The following MCTP1 variants were observed in gnomAD, a reference collection of about 807,000 sequenced individuals.
MCTP1 encodes multiple C2 and transmembrane domain-containing protein 1.
MCTP1 carries 69 observed loss-of-function variants against 120.6 expected under a neutral mutation model. That is an observed-to-expected ratio of 0.57 (90% CI 0.47 to 0.70). The LOEUF (loss-of-function observed/expected upper bound fraction) is 0.70, where lower values mean the gene tolerates loss of function less well. Among genes scored for constraint, MCTP1 ranks in the 30% least tolerant of loss-of-function variants. The pLI is 0.00. For synonymous variants in MCTP1, 529 were observed against 493.1 expected (o/e 1.07, Z -0.96); for missense variants, 1,203 against 1,248.8 (o/e 0.96, Z 0.55).
At chr5:94,951,840 T>C (rs374361065) in intron 3 of MCTP1, among the ~76,000 whole-genome samples, 1 of 152,174 alleles carries the variant, frequency 6.6e-6, no homozygotes, top group Non-Finnish European at 1.5e-5. Flanking sequence ...TTAACGTTAT[T>C]GTGCCATCCC....
At chr5:94,765,749 A>C (rs538188840) in intron 19 of MCTP1, among the ~76,000 whole-genome samples, 3 of 151,916 alleles carry the variant, frequency 2.0e-5, no homozygotes, top group Non-Finnish European at 4.4e-5. Flanking sequence ...AGAGACTAAA[A>C]AATTACAAAG....
chr5:95,212,318 A>T (rs982695511), intron 1 of MCTP1, among the ~76,000 whole-genome samples: 44 of 152,234 alleles, frequency 2.9e-4, no homozygotes, highest in African/African-American at 9.4e-4. Context: ...ACCAGGAGGA[A>T]ATTGAATCTC....
At chr5:95,274,963 A>G (rs1177579501) in intron 1 of MCTP1, among the ~76,000 whole-genome samples, 1 of 152,022 alleles carries the variant, frequency 6.6e-6, no homozygotes, top group Non-Finnish European at 1.5e-5. Flanking sequence ...CACAATTTCC[A>G]CATACCCCCG....
At chr5:95,011,655 TC>T (rs1479042860) in intron 2 of MCTP1, among the ~76,000 whole-genome samples, 2 of 152,122 alleles carry the variant, frequency 1.3e-5, no homozygotes, top group Non-Finnish European at 2.9e-5. Context: ...GATGCTTGAT[TC>T]CCCTTCTGCC....
intron 1 of MCTP1, among the ~76,000 whole-genome samples, chr5:95,271,034 A>G (rs1759348067): frequency 6.6e-6 from 1 of 152,152 alleles, no homozygotes. Flanking sequence ...ATTTTCATGT[A>G]CACGTATGCA....
At chr5:95,079,538 T>G (rs1754403391) in intron 1 of MCTP1, among the ~76,000 whole-genome samples, 1 of 152,150 alleles carries the variant, frequency 6.6e-6, no homozygotes, top group Non-Finnish European at 1.5e-5. Context: ...CTGTTTACCT[T>G]CATCTCTTAA....
chr5:95,054,017 T>C (rs1746697816), intron 1 of MCTP1, among the ~76,000 whole-genome samples: 2 of 152,216 alleles, frequency 1.3e-5, no homozygotes, highest in Non-Finnish European at 2.9e-5. Flanking sequence ...CACACTGAGC[T>C]GCTCAGTGAA....
chr5:95,057,204 A>G (rs1376806182), intron 1 of MCTP1, among the ~76,000 whole-genome samples: 1 of 152,180 alleles, frequency 6.6e-6, no homozygotes, highest in Non-Finnish European at 1.5e-5. Flanking sequence ...TACTTTAAAA[A>G]AATCATAAAA....
intron 19 of MCTP1, among the ~76,000 whole-genome samples, chr5:94,764,244 A>C (rs1772019403): frequency 6.6e-6 from 1 of 152,232 alleles, no homozygotes; most frequent in East Asian, 1.9e-4. Context: ...TCCATAATGC[A>C]GTCTGCCACA....
chr5:94,800,177 G>A (rs181229263), intron 17 of MCTP1, among the ~76,000 whole-genome samples: 13 of 152,174 alleles, frequency 8.5e-5, no homozygotes, highest in South Asian at 2.1e-4. Flanking sequence ...CAGTAATTTC[G>A]CAAAAACCAA....
At chr5:94,776,331 C>T (rs1004883343) in intron 19 of MCTP1, among the ~76,000 whole-genome samples, 18 of 152,086 alleles carry the variant, frequency 1.2e-4, no homozygotes, top group African/African-American at 3.9e-4. Context: ...TTTTCATAAT[C>T]GCCCAACAAT....
chr5:94,958,490 GA>G (rs1410356378), intron 2 of MCTP1, among the ~76,000 whole-genome samples: 36 of 152,000 alleles, frequency 2.4e-4, no homozygotes, highest in Non-Finnish European at 4.3e-4. Flanking sequence ...CCTGGTTTTT[GA>G]AAAGATTAAC....
At chr5:94,899,673 C>T (rs1804990835) in intron 10 of MCTP1, among the ~76,000 whole-genome samples, 1 of 152,126 alleles carries the variant, frequency 6.6e-6, no homozygotes, top group African/African-American at 2.4e-5. Flanking sequence ...AGACAATGTC[C>T]CACACCTCTT....
intron 19 of MCTP1, among the ~76,000 whole-genome samples, chr5:94,740,915 G>T (rs1378082971): frequency 6.6e-6 from 1 of 152,196 alleles, no homozygotes; most frequent in Non-Finnish European, 1.5e-5. Context: ...TCCTGGAGAA[G>T]GTGAGAACAC....
chr5:95,110,086 AAC>A (rs1187096720), intron 1 of MCTP1, among the ~76,000 whole-genome samples: 1 of 152,126 alleles, frequency 6.6e-6, no homozygotes, highest in African/African-American at 2.4e-5. Context: ...TCCCCAAAAC[AAC>A]ACAGCCTTGC....
intron 1 of MCTP1, among the ~76,000 whole-genome samples, chr5:95,068,422 A>T (rs1751241116): frequency 6.6e-6 from 1 of 152,212 alleles, no homozygotes. Context: ...AATTATTTTT[A>T]AAAAGGAAAT....
chr5:95,232,360 T>A (rs922116970), intron 1 of MCTP1, among the ~76,000 whole-genome samples: 2 of 151,654 alleles, frequency 1.3e-5, no homozygotes, highest in Non-Finnish European at 2.9e-5. Flanking sequence ...ATATTAAATA[T>A]AAATGGCCTA....
chr5:94,966,835 C>A (rs2153568073), intron 2 of MCTP1, among the ~76,000 whole-genome samples: 1 of 151,916 alleles, frequency 6.6e-6, no homozygotes, highest in South Asian at 2.1e-4. Flanking sequence ...TGGCAGGGCC[C>A]AAACTCAATC....
chr5:95,037,518 A>G (rs1313277538), intron 1 of MCTP1, among the ~76,000 whole-genome samples: 3 of 152,174 alleles, frequency 2.0e-5, no homozygotes, highest in Non-Finnish European at 2.9e-5. Context: ...AAGTTTTCCA[A>G]TTTTCTGTAG....
Sources: allele counts gnomAD v4.1 joint callset (sites outside exome capture counted in the v4.1 genomes callset), GRCh38; gene constraint gnomAD v4.1.1; transcripts MANE v1.5; gene names NCBI Gene and HGNC (gene_info 2026-07-23, HGNC 2026-07-21).